The following RANBP2 variants were observed in gnomAD, a reference collection of about 807,000 sequenced individuals.
RANBP2 encodes the protein RAN binding protein 2, also known as E3 SUMO-protein ligase RanBP2.
A neutral mutation model predicts 303.6 loss-of-function variants in RANBP2; 57 were observed. The ratio of observed to expected loss-of-function variants is 0.19; its 90% confidence interval spans 0.15 to 0.23. RANBP2 has a LOEUF of 0.23. RANBP2 is among the 10% of genes least tolerant of loss of function. The pLI, the probability that RANBP2 is intolerant of heterozygous loss-of-function variation, is 1.00. For missense variants in RANBP2, 3,138 were observed against 3,780.8 expected (o/e 0.83, Z 4.46); for synonymous variants, 1,167 against 1,301.5 (o/e 0.90, Z 2.23).
chr2:109,259,548 A>G, the RANBP2 span, among the ~76,000 whole-genome samples: 3 of 152,162 alleles, frequency 2.0e-5, no homozygotes, highest in East Asian at 5.8e-4. Context: ...TAACATCCCA[A>G]GAGGCTTGTT....
chr2:109,380,578 T>G, the RANBP2 span, among the ~76,000 whole-genome samples: 4 of 152,234 alleles, frequency 2.6e-5, no homozygotes, highest in Non-Finnish European at 5.9e-5. Flanking sequence ...AAGCCCCTTG[T>G]CCTCGCTGCC....
At chr2:109,001,127 G>A in the RANBP2 span, among the ~76,000 whole-genome samples, 10 of 152,236 alleles carry the variant, frequency 6.6e-5, no homozygotes, top group East Asian at 5.8e-4. Context: ...TGAGTGGCTC[G>A]TATAAGAAAA....
At chr2:109,512,757 C>G in the RANBP2 span, among the ~76,000 whole-genome samples, 15 of 152,260 alleles carry the variant, frequency 9.9e-5, no homozygotes, top group African/African-American at 3.6e-4. Flanking sequence ...GTGCTCCTGT[C>G]TCTCCCAGAG....
the RANBP2 span, among the ~76,000 whole-genome samples, chr2:109,454,316 A>G: frequency 6.6e-6 from 1 of 152,216 alleles, no homozygotes; most frequent in South Asian, 2.1e-4. Context: ...TCAGCTGGGC[A>G]TGGACCCTTA....
chr2:109,062,199 TC>T, the RANBP2 span, among the ~76,000 whole-genome samples: 1 of 152,236 alleles, frequency 6.6e-6, no homozygotes, highest in Non-Finnish European at 1.5e-5. Flanking sequence ...GATCTTGTTC[TC>T]CACCCCTGAC....
At chr2:109,354,138 G>A in the RANBP2 span, among the ~76,000 whole-genome samples, 1 of 152,170 alleles carries the variant, frequency 6.6e-6, no homozygotes, top group African/African-American at 2.4e-5. Flanking sequence ...AAAAGGCTGA[G>A]GGAGTTTCTG....
the RANBP2 span, among the ~76,000 whole-genome samples, chr2:109,404,337 AG>A: frequency 2.6e-4 from 40 of 152,324 alleles, no homozygotes; most frequent in South Asian, 8.1e-3. Flanking sequence ...GAGCTGTGTA[AG>A]GTGAGCTCGA....
the RANBP2 span, among the ~76,000 whole-genome samples, chr2:108,901,882 T>C: frequency 2.0e-5 from 3 of 152,272 alleles, no homozygotes; most frequent in Middle Eastern, 3.4e-3. Flanking sequence ...GGTGGGTATA[T>C]TGCTTGAGGT....
the RANBP2 span, among the ~76,000 whole-genome samples, chr2:109,326,245 A>T: frequency 6.6e-6 from 1 of 152,218 alleles, no homozygotes; most frequent in Non-Finnish European, 1.5e-5. Context: ...AGCTGTGTTG[A>T]TGTACATAGA....
chr2:108,980,525 C>CAT, the RANBP2 span, among the ~76,000 whole-genome samples: 35 of 152,082 alleles, frequency 2.3e-4, no homozygotes, highest in East Asian at 6.2e-3. Flanking sequence ...TATATATTTA[C>CAT]ATATATATAT....
the RANBP2 span, among the ~76,000 whole-genome samples, chr2:109,067,455 G>A: frequency 1.4e-4 from 22 of 152,194 alleles, no homozygotes; most frequent in Non-Finnish European, 2.9e-4. Flanking sequence ...GGGAGGCAGC[G>A]GAGGTGCAGG....
the RANBP2 span, among the ~76,000 whole-genome samples, chr2:108,911,529 A>G: frequency 2.0e-5 from 3 of 152,270 alleles, no homozygotes; most frequent in African/African-American, 7.2e-5. Context: ...ATTTCAACCT[A>G]AGTGTCATTG....
At chr2:108,846,914 C>G in the RANBP2 span, 1 of 1,597,870 alleles carries the variant, frequency 6.3e-7, no homozygotes, top group Non-Finnish European at 8.6e-7. Flanking sequence ...TAATTGTTCT[C>G]AAAACAGTCA....
intron 26 of RANBP2, among the ~76,000 whole-genome samples, chr2:108,781,683 G>A (rs1284216428): frequency 6.6e-6 from 1 of 152,084 alleles, no homozygotes; most frequent in Non-Finnish European, 1.5e-5. Context: ...AGAATATCAT[G>A]TTTGTTTTTA....
At chr2:109,614,861 GGAGTCGCTCCCTGGACAGGGCCGC>G in the RANBP2 span, 29 of 1,399,622 alleles carry the variant, frequency 2.1e-5, no homozygotes, top group Admixed American at 9.6e-4. Context: ...CGGCGGCCCC[GGAGTCGCTCCCTGGACAGGGCCGC>G]GAGCTGGGCG....
chr2:109,372,305 T>C, the RANBP2 span, among the ~76,000 whole-genome samples: 19 of 152,278 alleles, frequency 1.2e-4, no homozygotes, highest in African/African-American at 4.6e-4. Flanking sequence ...TTAACACGTG[T>C]GTCTTTAAAA....
At chr2:108,963,613 G>T in the RANBP2 span, among the ~76,000 whole-genome samples, 1 of 152,178 alleles carries the variant, frequency 6.6e-6, no homozygotes. Context: ...AATTACAAGA[G>T]GGGTTTTAGA....
At chr2:109,039,531 A>T in the RANBP2 span, among the ~76,000 whole-genome samples, 1 of 151,972 alleles carries the variant, frequency 6.6e-6, no homozygotes, top group Non-Finnish European at 1.5e-5. Flanking sequence ...TTGTATTTTT[A>T]GTAGAGTCAG....
the RANBP2 span, among the ~76,000 whole-genome samples, chr2:109,035,354 A>G: frequency 1.1e-4 from 16 of 152,106 alleles, no homozygotes; most frequent in Non-Finnish European, 2.1e-4. Flanking sequence ...CTTACAGGTA[A>G]AATATCTGGA....
Sources: gnomAD v4.1 joint callset for allele counts (sites outside exome capture counted in the v4.1 genomes callset) on GRCh38, gnomAD v4.1.1 for gene constraint, MANE v1.5 for transcripts, NCBI Gene and HGNC (gene_info 2026-07-23, HGNC 2026-07-21) for gene names.